Variants in KAZN observed in about 807,000 individuals in gnomAD.
KAZN encodes kazrin, periplakin interacting protein.
A neutral mutation model predicts 87.4 loss-of-function variants in KAZN; 40 were observed. The ratio of observed to expected loss-of-function variants is 0.46; its 90% CI spans 0.36 to 0.60. KAZN has a LOEUF of 0.60. Ranked by LOEUF, KAZN falls within the 20% of genes least tolerant of loss-of-function variation. KAZN has a pLI of 0.00. For synonymous variants in KAZN, 466 were observed against 458.3 expected, an observed-to-expected ratio of 1.02 and a Z score of -0.22; for missense variants, 898 against 1,073.9, an observed-to-expected ratio of 0.84 and a Z score of 2.29.
intron 13 of KAZN, among the ~76,000 whole-genome samples, chr1:15,110,978 T>G (rs1401903931): frequency 6.6e-6 from 1 of 152,220 alleles, no homozygotes; most frequent in Admixed American, 6.5e-5. Flanking sequence ...TTTACATTTT[T>G]TGGCTTCTGC....
intron 1 of KAZN, among the ~76,000 whole-genome samples, chr1:14,628,025 T>C (rs1161599589): frequency 4.6e-5 from 7 of 152,202 alleles, no homozygotes; most frequent in African/African-American, 1.4e-4. Flanking sequence ...TCACCCTCTC[T>C]TTCCCAAGAA....
chr1:13,965,125 C>T (rs1486414495), intron 1 of KAZN, among the ~76,000 whole-genome samples: 1 of 152,146 alleles, frequency 6.6e-6, no homozygotes, highest in East Asian at 1.9e-4. Flanking sequence ...GGCAGGGACT[C>T]TGCCTTCCAC....
In KAZN at chr1:14,735,063, T is replaced by TTTTTG. The variant is rs1553121919; in HGVS notation, c.226+135851_226+135855dup. Among the ~76,000 whole-genome samples the TTTTTG allele has an allele frequency of 1.3e-5, 2 of 152,142 alleles. No individual in the cohort carries two copies. Among genetic ancestry groups the TTTTTG allele is most frequent in the Non-Finnish European group, 2.9e-5 (2 of 68,030 alleles). On this transcript the variant is annotated intron_variant, in intron 1 of 14. Transcript: ENST00000376030. The surrounding 1 kb of genome is among the most constrained non-coding windows in gnomAD (Gnocchi z 4.3). ...GGATGCTAAATGGTCATGCTGGTTT[T>TTTTTG]TTTTGTTTTGTTTTGAGACGGAGTC... is the stretch of plus-strand genomic sequence containing the variant.
intron 1 of KAZN, among the ~76,000 whole-genome samples, chr1:14,678,751 G>A (rs1194938023): frequency 6.6e-6 from 1 of 152,184 alleles, no homozygotes; most frequent in Non-Finnish European, 1.5e-5. Context: ...TACTCAGCAA[G>A]CCTTTGCTAT....
intron 2 of KAZN, among the ~76,000 whole-genome samples, chr1:14,361,540 C>T (rs1244238686): frequency 2.0e-5 from 3 of 152,224 alleles, no homozygotes; most frequent in African/African-American, 7.2e-5. Context: ...AAATGGCTGC[C>T]CAGTTTTGTG....
chr1:15,110,375 GTGTGTATTTGTGTGTTTGTGTGTGTC>G (rs1641515690), intron 13 of KAZN, among the ~76,000 whole-genome samples: 1 of 58,602 alleles, frequency 1.7e-5, no homozygotes, highest in Non-Finnish European at 3.5e-5. Flanking sequence ...TGTATATGTA[GTGTGTATTTGTGTGTTTGTGTGTGTC>G]TGTGTATTTG....
chr1:14,779,830 G>A (rs2100638849), intron 1 of KAZN, among the ~76,000 whole-genome samples: 1 of 152,314 alleles, frequency 6.6e-6, no homozygotes, highest in South Asian at 2.1e-4. Flanking sequence ...CCAAAGTGAA[G>A]TGACACGTAA....
At chr1:14,883,252 T>A (rs1301161169) in intron 1 of KAZN, among the ~76,000 whole-genome samples, 1 of 148,390 alleles carries the variant, frequency 6.7e-6, no homozygotes, top group Non-Finnish European at 1.5e-5. Flanking sequence ...CCAAGATCAC[T>A]CCATTGCCCT....
At chr1:14,616,024 AGCTGGG>A (rs1217827186) in intron 1 of KAZN, among the ~76,000 whole-genome samples, 11 of 152,172 alleles carry the variant, frequency 7.2e-5, no homozygotes, top group Admixed American at 7.2e-4. Flanking sequence ...GACACTTGAA[AGCTGGG>A]GTGGAGAGAA....
intron 2 of KAZN, among the ~76,000 whole-genome samples, chr1:14,504,405 A>T (rs1291625973): frequency 6.6e-6 from 1 of 152,238 alleles, no homozygotes; most frequent in African/African-American, 2.4e-5. Context: ...AACTAGCATA[A>T]TGAGGATTAA....
At chr1:14,249,974 C>T (rs987756633) in intron 2 of KAZN, among the ~76,000 whole-genome samples, 1 of 152,098 alleles carries the variant, frequency 6.6e-6, no homozygotes, top group Non-Finnish European at 1.5e-5. Context: ...ATCCCTTTTA[C>T]AGGTTTAATT....
chr1:14,524,408 G>A (rs976558281), intron 2 of KAZN, among the ~76,000 whole-genome samples: 1 of 152,058 alleles, frequency 6.6e-6, no homozygotes, highest in African/African-American at 2.4e-5. Context: ...CCACATTCTA[G>A]ACCCAGCTTT....
chr1:14,898,348 G>A (rs1004593531), intron 1 of KAZN, among the ~76,000 whole-genome samples: 5 of 152,302 alleles, frequency 3.3e-5, no homozygotes, highest in East Asian at 1.9e-4. Context: ...ACACTGAGAC[G>A]GTTCTGCTCC....
chr1:14,326,935 A>G (rs147157976), intron 2 of KAZN, among the ~76,000 whole-genome samples: 13 of 152,124 alleles, frequency 8.5e-5, no homozygotes, highest in Middle Eastern at 3.4e-3. Context: ...CCTCTGGTGC[A>G]CTCATAGTAC....
At chr1:14,307,960 G>A (rs925935797) in intron 2 of KAZN, among the ~76,000 whole-genome samples, 12 of 152,136 alleles carry the variant, frequency 7.9e-5, no homozygotes, top group East Asian at 3.8e-4. Flanking sequence ...ACTGTGATGC[G>A]CTGAGGATAC....
chr1:14,217,267 A>G (rs561856243), intron 2 of KAZN, among the ~76,000 whole-genome samples: 9 of 152,332 alleles, frequency 5.9e-5, no homozygotes, highest in African/African-American at 2.2e-4. Context: ...ATTCTGTAAC[A>G]GCAACACAAA....
intron 2 of KAZN, among the ~76,000 whole-genome samples, chr1:14,428,313 T>C (rs530476392): frequency 1.3e-5 from 2 of 152,246 alleles, no homozygotes; most frequent in South Asian, 2.1e-4. Flanking sequence ...ATTATAGGCA[T>C]TCTGTAGGAT....
At chr1:14,573,085 A>G (rs889752671) in intron 2 of KAZN, among the ~76,000 whole-genome samples, 1 of 152,078 alleles carries the variant, frequency 6.6e-6, no homozygotes, top group Admixed American at 6.5e-5. Flanking sequence ...TTGAAGTCCT[A>G]TTTCATGCAT....
chr1:15,090,671 G>A (rs979497644), intron 8 of KAZN, among the ~76,000 whole-genome samples: 1 of 152,210 alleles, frequency 6.6e-6, no homozygotes, highest in African/African-American at 2.4e-5. Flanking sequence ...CATTTCCTTG[G>A]GAAAAACAAA....
Sources: allele counts gnomAD v4.1 joint callset (sites outside exome capture counted in the v4.1 genomes callset), GRCh38; gene constraint gnomAD v4.1.1; non-coding constraint Gnocchi (gnomAD v3.1); transcripts MANE v1.5; gene names NCBI Gene and HGNC (gene_info 2026-07-23, HGNC 2026-07-21).